DENND1A: variants seen among roughly 807,000 people sequenced by gnomAD.
DENND1A encodes the protein DENN domain containing 1A.
Under a neutral mutation model 113.7 loss-of-function variants are expected in DENND1A, and 51 were observed. That is an observed-to-expected ratio of 0.45 (90% CI 0.36 to 0.57). The LOEUF (loss-of-function observed/expected upper bound fraction) is 0.57, where lower values mean the gene tolerates loss of function less well. DENND1A is among the 20% of genes least tolerant of loss of function. The probability of loss-of-function intolerance (pLI) is 0.00; values close to 1 mark genes in which losing one functional copy is unlikely to be tolerated. For missense variants in DENND1A, 1,258 were observed against 1,395.9 expected (o/e 0.90, Z 1.57); for synonymous variants, 565 against 570.8 (o/e 0.99, Z 0.14).
chr9:123,738,929 G>A (rs1225573412), intron 5 of DENND1A, among the ~76,000 whole-genome samples: 1 of 152,264 alleles, frequency 6.6e-6, no homozygotes, highest in East Asian at 1.9e-4. Flanking sequence ...TTACTCAAAC[G>A]ATGGAACCTG....
At chr9:123,689,040 T>C (rs2065001687) in intron 5 of DENND1A, among the ~76,000 whole-genome samples, 1 of 152,206 alleles carries the variant, frequency 6.6e-6, no homozygotes, top group Admixed American at 6.5e-5. Context: ...TTTTGTTTTT[T>C]CCGAGACAGA....
intron 11 of DENND1A, 55 bp from the exon 12 acceptor site, chr9:123,583,325 A>C: frequency 7.5e-7 from 1 of 1,329,752 alleles, no homozygotes; most frequent in Non-Finnish European, 1.1e-6. Context: ...ATCAAGACAC[A>C]CTTCCCCTGC....
intron 20 of DENND1A, among the ~76,000 whole-genome samples, chr9:123,406,927 A>C (rs546953590): frequency 6.6e-6 from 1 of 152,194 alleles, no homozygotes; most frequent in Non-Finnish European, 1.5e-5. Flanking sequence ...AGGCGGGTTA[A>C]GAATGTGAAC....
intron 10 of DENND1A, among the ~76,000 whole-genome samples, chr9:123,620,232 A>AAAAAAAGAAAAAAG (rs1554916731): frequency 8.7e-6 from 1 of 114,422 alleles, no homozygotes; most frequent in African/African-American, 3.7e-5. Flanking sequence ...AAAAAAAAAA[A>AAAAAAAGAAAAAAG]AAAAAAGAAA....
intron 2 of DENND1A, among the ~76,000 whole-genome samples, chr9:123,866,693 T>C (rs1845836254): frequency 6.6e-6 from 1 of 152,202 alleles, no homozygotes; most frequent in Non-Finnish European, 1.5e-5. Flanking sequence ...GAATGCTGGT[T>C]TGTACCACTT....
rs1219442983 is a variant in DENND1A at position 123,382,550 on chromosome 9, G to A, written c.2095C>T (p.Leu699Phe). The A allele has an allele frequency of 5.6e-6, 9 of 1,614,086 alleles. No homozygotes were observed. The highest frequency in any genetic ancestry group is 2.2e-5 in the East Asian group (1 of 44,852). ...ATGTCGTCCTGGCCCAGGCTCCAGA[G>A]CTTGTTGTACGGGTGGGTAAGCTTC... Reference protein sequence around the residue: ...ALKLTHPYNKLWSLGQDDMAI... With the variant: ...ALKLTHPYNKFWSLGQDDMAI... The change falls in exon 24 of 24, where the codon CTC becomes TTC. Residue 699 changes from leucine (L) to phenylalanine (F), a missense_variant. Leu to Phe is a conservative substitution (Grantham distance 22, BLOSUM62 0). Coordinates refer to ENST00000394215, the MANE Select transcript of DENND1A (RefSeq NM_001352964.2).
intron 5 of DENND1A, among the ~76,000 whole-genome samples, chr9:123,686,099 T>C (rs2064795513): frequency 6.6e-6 from 1 of 152,124 alleles, no homozygotes; most frequent in Non-Finnish European, 1.5e-5. Flanking sequence ...CAGATGCCAT[T>C]TGATATTAAC....
intron 5 of DENND1A, among the ~76,000 whole-genome samples, chr9:123,734,882 G>C (rs2068447105): frequency 6.6e-6 from 1 of 152,056 alleles, no homozygotes; most frequent in Non-Finnish European, 1.5e-5. Flanking sequence ...CTTTCAAGTT[G>C]TCACTAGGTA....
chr9:123,730,319 G>A (rs60156619), intron 5 of DENND1A, among the ~76,000 whole-genome samples: 2,374 of 152,114 alleles, frequency 0.016, 67 homozygotes, highest in African/African-American at 0.055. Context: ...GAGTGAACAG[G>A]CAACCTACAG....
chr9:123,608,300 GCA>G (rs1293296262), intron 11 of DENND1A, among the ~76,000 whole-genome samples: 1 of 152,170 alleles, frequency 6.6e-6, no homozygotes, highest in African/African-American at 2.4e-5. Flanking sequence ...AAGCACAATA[GCA>G]CAGTGTGCAA....
At chr9:123,705,875 G>C (rs2066161636) in intron 5 of DENND1A, among the ~76,000 whole-genome samples, 1 of 152,182 alleles carries the variant, frequency 6.6e-6, no homozygotes, top group South Asian at 2.1e-4. Flanking sequence ...AGAAGACGTA[G>C]AGAACTAGAT....
intron 2 of DENND1A, chr9:123,843,648 T>G (rs190611796): frequency 6.1e-6 from 1 of 164,192 alleles, no homozygotes; most frequent in Admixed American, 6.1e-5. Context: ...ATTCTGGATA[T>G]ACTGGAATAT....
At position 123,524,374 on chromosome 9, in the gene DENND1A, A is replaced by G. The variant is rs187649231; in HGVS notation, c.993+33196T>C. 7.4e-4 allele frequency among the ~76,000 whole-genome samples: 113 copies of G among 152,370 alleles called. 1 individual carries two copies. The highest frequency in any genetic ancestry group is 2.1e-3 in the Admixed American group (32 of 15,308). On this transcript the variant is annotated intron_variant, in intron 13 of 23. Transcript: ENST00000394215. The stretch of plus-strand genomic sequence containing the variant: ...CGGGTTGGATGGTCGGGCTTATGAT[A>G]GGAATAAGTCCAGGGTGGATCTAGA...
intron 6 of DENND1A, among the ~76,000 whole-genome samples, chr9:123,673,190 T>C (rs1348223082): frequency 6.6e-6 from 1 of 152,260 alleles, no homozygotes; most frequent in African/African-American, 2.4e-5. Flanking sequence ...TACAGTAACA[T>C]TATTCTTTCT....
intron 11 of DENND1A, among the ~76,000 whole-genome samples, chr9:123,592,693 TGAG>T (rs2059513755): frequency 6.6e-6 from 1 of 152,174 alleles, no homozygotes; most frequent in African/African-American, 2.4e-5. Context: ...TTTTGAGAGA[TGAG>T]GTCTTGCTGT....
chr9:123,882,538 G>A lies in DENND1A; in HGVS notation c.18-3517C>T, dbSNP rs984065089. Among the ~76,000 whole-genome samples the A allele has an allele frequency of 4.6e-5, 7 of 152,048 alleles. No homozygotes were observed. The East Asian group carries it at 5.8e-4, about 13-fold the overall frequency. ...ATCAAAATACATCCAGAATCTCAACGTTTCTCAGCACCCCCAAATACAACC... is the reference window on the plus strand; with the variant it reads ...ATCAAAATACATCCAGAATCTCAACATTTCTCAGCACCCCCAAATACAACC... On this transcript the variant is annotated intron_variant, in intron 1 of 23. Transcript: ENST00000394215.
chr9:123,853,068 CA>C (rs1843614281), intron 2 of DENND1A, among the ~76,000 whole-genome samples: 1 of 151,870 alleles, frequency 6.6e-6, no homozygotes, highest in South Asian at 2.1e-4. Context: ...TACAGGTGAA[CA>C]CCACCACATC....
At chr9:123,801,588 T>C (rs140346775) in intron 2 of DENND1A, among the ~76,000 whole-genome samples, 2 of 152,360 alleles carry the variant, frequency 1.3e-5, no homozygotes, top group East Asian at 3.9e-4. Context: ...TGAACATGCA[T>C]GTGCAAATGT....
intron 9 of DENND1A, among the ~76,000 whole-genome samples, chr9:123,646,985 GA>G (rs896478033): frequency 1.3e-5 from 2 of 152,110 alleles, no homozygotes; most frequent in Non-Finnish European, 2.9e-5. Flanking sequence ...TTCTAGGTTA[GA>G]AATCATTTTC....
Sources: allele counts gnomAD v4.1 joint callset (sites outside exome capture counted in the v4.1 genomes callset), GRCh38; gene constraint gnomAD v4.1.1; transcripts MANE v1.5; gene names NCBI Gene and HGNC (gene_info 2026-07-23, HGNC 2026-07-21).